The following KCTD3 variants were observed in gnomAD, a reference collection of about 807,000 sequenced individuals.
The protein encoded by KCTD3 is BTB/POZ domain-containing protein KCTD3.
A neutral mutation model predicts 85.8 loss-of-function variants in KCTD3; 41 were observed. That is an observed-to-expected ratio of 0.48 (90% confidence interval 0.37 to 0.62). The LOEUF (loss-of-function observed/expected upper bound fraction) is 0.62, where lower values mean the gene tolerates loss of function less well. KCTD3 is among the 20% of genes least tolerant of loss of function. The pLI, the probability that KCTD3 is intolerant of heterozygous loss-of-function variation, is 0.00. For synonymous variants in KCTD3, 338 were observed against 345.4 expected (o/e 0.98, Z 0.24); for missense variants, 724 against 989.9 (o/e 0.73, Z 3.60).
At chr1:215,601,114 T>G (rs1454371013) in intron 10 of KCTD3, among the ~76,000 whole-genome samples, 2 of 146,920 alleles carry the variant, frequency 1.4e-5, no homozygotes, top group Non-Finnish European at 3.0e-5. Context: ...ATTTTGTATA[T>G]TTAGTAGAGA....
chr1:215,594,109 C>T (rs1406796684), intron 9 of KCTD3, among the ~76,000 whole-genome samples: 3 of 152,108 alleles, frequency 2.0e-5, no homozygotes, highest in African/African-American at 4.8e-5. Flanking sequence ...ATCCACCCGC[C>T]CTGGCCTCCC....
At chr1:215,580,929 T>C (rs1326950004) in intron 8 of KCTD3, 1 of 465,148 alleles carries the variant, frequency 2.1e-6, no homozygotes, top group Admixed American at 2.4e-5. Flanking sequence ...AGGTTTATAT[T>C]TTCCTTGTAG....
intron 13 of KCTD3, among the ~76,000 whole-genome samples, chr1:215,606,380 CTTGT>C (rs903540314): frequency 4.6e-5 from 7 of 152,112 alleles, no homozygotes; most frequent in East Asian, 1.9e-4. Flanking sequence ...CATTTATTTG[CTTGT>C]TTATTATCTC....
intron 17 of KCTD3, among the ~76,000 whole-genome samples, chr1:215,619,710 CT>C (rs1451448893): frequency 6.6e-6 from 1 of 152,048 alleles, no homozygotes; most frequent in African/African-American, 2.4e-5. Context: ...TCCATAATGT[CT>C]TTTTAGTTAT....
chr1:215,606,240 C>G (rs902725114), intron 13 of KCTD3, among the ~76,000 whole-genome samples: 1 of 152,104 alleles, frequency 6.6e-6, no homozygotes, highest in Non-Finnish European at 1.5e-5. Context: ...ATTCTGGTGC[C>G]GTTTCAAAGC....
chr1:215,582,824 A>G (rs889964400), intron 8 of KCTD3, among the ~76,000 whole-genome samples: 8 of 152,124 alleles, frequency 5.3e-5, no homozygotes, highest in African/African-American at 1.7e-4. Flanking sequence ...AGCCTTCCAA[A>G]GTGCTGGGAT....
Position 215,567,586 on chromosome 1 carries a change from G to T in KCTD3, c.-100G>T. Reference sequence around the variant, plus strand: ...CCCGCCCTCCGGCCGCCGCCGCCCCGCTGGCCCTGCAGCCGTCGCCGCTGC... The same window carrying T: ...CCCGCCCTCCGGCCGCCGCCGCCCCTCTGGCCCTGCAGCCGTCGCCGCTGC... On this transcript the variant is annotated 5_prime_UTR_variant, in exon 1 of 18. Transcript: ENST00000259154. 3.9e-6 allele frequency: 2 copies of T among 507,400 alleles called. No homozygotes were observed. Among genetic ancestry groups the T allele is most frequent in the Non-Finnish European group, 5.4e-6 (2 of 370,892 alleles). 31.4% of individuals were successfully genotyped at this position (507,400 alleles called of 1,614,324 possible).
At chr1:215,586,371 A>T in intron 8 of KCTD3, 124 bp from the exon 9 acceptor site, 1 of 743,804 alleles carries the variant, frequency 1.3e-6, no homozygotes, top group Non-Finnish European at 2.2e-6. Flanking sequence ...AGGAAGGTGG[A>T]TGGGTAACTG....
intron 9 of KCTD3, among the ~76,000 whole-genome samples, chr1:215,587,380 CG>C (rs1558233973): frequency 6.6e-6 from 1 of 152,124 alleles, no homozygotes; most frequent in African/African-American, 2.4e-5. Context: ...CCGCCCACCT[CG>C]GCCTCCCAAA....
At chr1:215,599,808 A>G (rs961938190) in intron 10 of KCTD3, among the ~76,000 whole-genome samples, 1 of 151,980 alleles carries the variant, frequency 6.6e-6, no homozygotes, top group Non-Finnish European at 1.5e-5. Flanking sequence ...CTTTAATCCT[A>G]GAGCCCATCC....
chr1:215,585,709 A>G (rs1659981233), intron 8 of KCTD3, among the ~76,000 whole-genome samples: 1 of 152,210 alleles, frequency 6.6e-6, no homozygotes. Flanking sequence ...TATACATATA[A>G]TCGCATAGAA....
chr1:215,577,715 G>T lies in KCTD3; in HGVS notation c.303G>T (p.Gly101=), dbSNP rs1161921295. 2 of 1,594,622 alleles carry T rather than the reference G, an allele frequency of 1.3e-6. No homozygotes were observed. Among genetic ancestry groups the T allele is most frequent in the Admixed American group, 1.7e-5 (1 of 59,960 alleles). Residue 101 remains glycine, a synonymous_variant, in exon 5 of 18, where the codon GGG becomes GGT. Coordinates refer to ENST00000259154, the MANE Select transcript of KCTD3 (RefSeq NM_016121.5). ...TCAGGCATGAAGCAGAATTTTACGG[G>T]ATCACTCCATTAGGTATGTGCTCTT... The part of the protein sequence containing the change: ...NVLRHEAEFY[G]ITPLVRRLLL...
At chr1:215,578,400 T>C (rs998429244) in intron 6 of KCTD3, among the ~76,000 whole-genome samples, 4 of 152,162 alleles carry the variant, frequency 2.6e-5, no homozygotes, top group African/African-American at 9.6e-5. Context: ...ATAAATAGCA[T>C]TGATTGGGCT....
rs199663192 is a variant in KCTD3, at chr1:215,611,910, G to A, written c.1551G>A (p.Ser517=). The change falls in exon 15 of 18, where the codon TCG becomes TCA. Residue 517 remains serine (S), a synonymous_variant. Coordinates refer to ENST00000259154, the MANE Select transcript of KCTD3 (RefSeq NM_016121.5). ...ACAAACTATTTGTAAGACTCTCATCGACTGGAAAAAGGTAACACTTTATTG... is the reference window on the plus strand; with the variant it reads ...ACAAACTATTTGTAAGACTCTCATCAACTGGAAAAAGGTAACACTTTATTG... ...ITNKLFVRLS[S]TGKRICEIQA... 9 of 1,598,798 alleles carry A rather than the reference G, an allele frequency of 5.6e-6. No homozygotes were observed. The East Asian group carries it at 8.9e-5, about 16-fold the overall frequency.
intron 13 of KCTD3, among the ~76,000 whole-genome samples, chr1:215,606,118 C>T (rs1357187198): frequency 6.6e-6 from 1 of 152,162 alleles, no homozygotes; most frequent in Non-Finnish European, 1.5e-5. Flanking sequence ...TTGCTGATAA[C>T]ACTCTAACCT....
intron 10 of KCTD3, among the ~76,000 whole-genome samples, chr1:215,601,621 T>C (rs143619901): frequency 6.6e-6 from 1 of 152,244 alleles, no homozygotes; most frequent in Non-Finnish European, 1.5e-5. Context: ...GAAAGGAAAG[T>C]ACTGCTGTGG....
chr1:215,619,760 A>G (rs961878458), intron 17 of KCTD3, among the ~76,000 whole-genome samples: 1 of 152,162 alleles, frequency 6.6e-6, no homozygotes. Flanking sequence ...ACCAAGGGCT[A>G]AATACTGAAT....
chr1:215,598,676 T>C (rs1654703638), intron 10 of KCTD3, among the ~76,000 whole-genome samples: 1 of 149,168 alleles, frequency 6.7e-6, no homozygotes, highest in Admixed American at 6.7e-5. Flanking sequence ...GGAAATAAAA[T>C]ACTGAAAATT....
rs982248903 is a variant in KCTD3, at chr1:215,567,648, G to A, written c.-38G>A. 2 of 1,207,486 alleles carry A rather than the reference G, an allele frequency of 1.7e-6. No individual in the cohort carries two copies. Among genetic ancestry groups the A allele is most frequent in the African/African-American group, 3.1e-5 (2 of 63,812 alleles). The allele number at this position is 1,207,486 out of a possible 1,614,324, so 74.8% of individuals were successfully genotyped here. ...GCCCCGGGCTCGGCGGTCCCGGCTG[G>A]GGAAGGAGGGCGGCGAGCGCGTCCG... On this transcript the variant is annotated 5_prime_UTR_variant, in exon 1 of 18. Coordinates refer to ENST00000259154, the MANE Select transcript of KCTD3 (RefSeq NM_016121.5).
Sources: allele counts gnomAD v4.1 joint callset (sites outside exome capture counted in the v4.1 genomes callset), GRCh38; gene constraint gnomAD v4.1.1; transcripts MANE v1.5; gene names NCBI Gene and HGNC (gene_info 2026-07-23, HGNC 2026-07-21).